The following DACH1 variants were observed in gnomAD, a reference collection of about 807,000 sequenced individuals.
DACH1 encodes dachshund family transcription factor 1, also known as dachshund homolog 1.
In DACH1, 12 loss-of-function variants were observed where a neutral mutation model predicts 54.2. That is an observed-to-expected ratio of 0.22 (90% confidence interval 0.14 to 0.36). DACH1 has a LOEUF of 0.36. Ranked by LOEUF, DACH1 falls within the 10% of genes least tolerant of loss-of-function variation. DACH1 has a pLI of 1.00. For missense variants in DACH1, 805 were observed against 929.8 expected, an observed-to-expected ratio of 0.87 and a Z score of 1.75; for synonymous variants, 386 against 366.2, an observed-to-expected ratio of 1.05 and a Z score of -0.62.
intron 2 of DACH1, among the ~76,000 whole-genome samples, chr13:71,641,178 A>T (rs1877870494): frequency 6.6e-6 from 1 of 152,144 alleles, no homozygotes; most frequent in African/African-American, 2.4e-5. Context: ...GATACAGTAA[A>T]TAAATGTTTT....
chr13:71,560,190 G>A (rs1046762168), intron 4 of DACH1, among the ~76,000 whole-genome samples: 6 of 152,094 alleles, frequency 3.9e-5, no homozygotes, highest in African/African-American at 7.2e-5. Context: ...CAGTAATGGC[G>A]AATGTCAATC....
intron 9 of DACH1, 31 bp from the exon 10 acceptor site, chr13:71,475,240 T>A (rs563698479): frequency 1.3e-6 from 2 of 1,573,008 alleles, no homozygotes; most frequent in Non-Finnish European, 1.7e-6. Flanking sequence ...GAGTGACACA[T>A]ATTTCATTTG....
At chr13:71,661,457 A>G (rs190860380) in intron 2 of DACH1, among the ~76,000 whole-genome samples, 2 of 152,110 alleles carry the variant, frequency 1.3e-5, no homozygotes, top group African/African-American at 4.8e-5. Context: ...GACTATCAAT[A>G]TAGATGACTA....
intron 3 of DACH1, among the ~76,000 whole-genome samples, chr13:71,580,355 C>G (rs1443857950): frequency 6.6e-6 from 1 of 152,084 alleles, no homozygotes; most frequent in Admixed American, 6.6e-5. Context: ...AATTCTTTCT[C>G]TAAGGATATT....
chr13:71,642,921 A>C (rs1468906482), intron 2 of DACH1, among the ~76,000 whole-genome samples: 1 of 152,056 alleles, frequency 6.6e-6, no homozygotes, highest in Non-Finnish European at 1.5e-5. Flanking sequence ...GCTACTCGGG[A>C]GGCTGAGAAA....
chr13:71,481,853 T>A (rs1878060530), intron 7 of DACH1, among the ~76,000 whole-genome samples: 1 of 152,222 alleles, frequency 6.6e-6, no homozygotes, highest in Admixed American at 6.5e-5. Context: ...ATGATAATAA[T>A]ACTTTCAGAT....
chr13:71,602,196 T>G (rs1874542908), intron 3 of DACH1, among the ~76,000 whole-genome samples: 1 of 152,000 alleles, frequency 6.6e-6, no homozygotes, highest in African/African-American at 2.4e-5. Flanking sequence ...ATTTTCAACA[T>G]TTCCTTTAAT....
chr13:71,647,846 A>G (rs1878396714), intron 2 of DACH1, among the ~76,000 whole-genome samples: 1 of 152,238 alleles, frequency 6.6e-6, no homozygotes, highest in Admixed American at 6.5e-5. Context: ...TTACTTTGCT[A>G]TTTCCAATAT....
intron 6 of DACH1, among the ~76,000 whole-genome samples, chr13:71,506,347 T>C (rs1880323835): frequency 7.2e-6 from 1 of 139,368 alleles, no homozygotes; most frequent in African/African-American, 2.7e-5. Context: ...CCATGTGATC[T>C]CATTGTTCAA....
At chr13:71,457,538 C>G (rs770322740) in intron 10 of DACH1, among the ~76,000 whole-genome samples, 24 of 151,856 alleles carry the variant, frequency 1.6e-4, no homozygotes, top group Non-Finnish European at 3.1e-4. Context: ...AAAAAAAAAG[C>G]TGCTTTATGT....
intron 1 of DACH1, among the ~76,000 whole-genome samples, chr13:71,747,790 G>T (rs1264560430): frequency 6.6e-6 from 1 of 152,130 alleles, no homozygotes; most frequent in African/African-American, 2.4e-5. Context: ...TGCCATCCTA[G>T]CCTCCTTTCT....
At chr13:71,462,650 C>T (rs1876180650) in intron 10 of DACH1, among the ~76,000 whole-genome samples, 1 of 151,872 alleles carries the variant, frequency 6.6e-6, no homozygotes, top group Admixed American at 6.6e-5. Flanking sequence ...CAACACTCGG[C>T]CTCTACCAGT....
intron 1 of DACH1, among the ~76,000 whole-genome samples, chr13:71,828,545 C>T (rs1245582192): frequency 6.6e-6 from 1 of 151,960 alleles, no homozygotes. Context: ...GTTTGTAGCA[C>T]AAAAGCATGT....
intron 1 of DACH1, among the ~76,000 whole-genome samples, chr13:71,859,049 C>CA (rs931820660): frequency 7.3e-5 from 11 of 151,594 alleles, no homozygotes; most frequent in East Asian, 1.9e-4. Flanking sequence ...ATAACAACAA[C>CA]AAAAAAAGAC....
intron 3 of DACH1, among the ~76,000 whole-genome samples, chr13:71,606,563 T>C (rs2138505709): frequency 6.6e-6 from 1 of 152,062 alleles, no homozygotes; most frequent in African/African-American, 2.4e-5. Flanking sequence ...TGTGGAAAAT[T>C]GGTCCCAAGT....
In DACH1 at chr13:71,457,157, A is replaced by G. The variant is rs560200548; in HGVS notation, c.2084-16465T>C. On this transcript the variant is annotated intron_variant, in intron 10 of 10. Transcript: ENST00000613252. The stretch of plus-strand genomic sequence containing the variant: ...AAATGACTGCAAAAAATATCTATGC[A>G]TCGGAAGGAAAAGCTTACAATGAGA... Among the ~76,000 whole-genome samples the G allele has an allele frequency of 1.1e-4, 16 of 152,168 alleles. No homozygotes were observed. In the South Asian group the frequency reaches 3.1e-3, roughly 30 times the overall value.
chr13:71,699,004 GT>G (rs1881973524), intron 1 of DACH1, among the ~76,000 whole-genome samples: 1 of 152,092 alleles, frequency 6.6e-6, no homozygotes, highest in Non-Finnish European at 1.5e-5. Context: ...AACTGTGTAT[GT>G]ACAGAAGACC....
rs1245338903 is a variant in DACH1, at chr13:71,467,188, C to T, written c.2083+7953G>A. Among the ~76,000 whole-genome samples, 11 of 151,512 alleles carry T rather than the reference C, an allele frequency of 7.3e-5. 1 individual carries two copies. Among genetic ancestry groups the T allele is most frequent in the Admixed American group, 7.2e-4 (11 of 15,194 alleles). Reference sequence around the variant, plus strand: ...CCCACAAAAACCCACAAGAGGCCTTCAGCATTTGGAGTTCAAGCATATCCA... The same window carrying T: ...CCCACAAAAACCCACAAGAGGCCTTTAGCATTTGGAGTTCAAGCATATCCA... On this transcript the variant is annotated intron_variant, in intron 10 of 10. Coordinates refer to ENST00000613252, the MANE Select transcript of DACH1 (RefSeq NM_080759.6).
intron 6 of DACH1, among the ~76,000 whole-genome samples, chr13:71,502,284 A>T (rs1485819698): frequency 1.3e-5 from 2 of 151,552 alleles, no homozygotes; most frequent in African/African-American, 4.9e-5. Flanking sequence ...ATTATCTGTG[A>T]TTAATTGCTA....
Sources: allele counts gnomAD v4.1 joint callset (sites outside exome capture counted in the v4.1 genomes callset), GRCh38; gene constraint gnomAD v4.1.1; transcripts MANE v1.5; gene names NCBI Gene and HGNC (gene_info 2026-07-23, HGNC 2026-07-21).